The following TNK2 variants were observed in gnomAD, a reference collection of about 807,000 sequenced individuals.
TNK2 encodes tyrosine kinase non receptor 2.
A neutral mutation model predicts 101.8 loss-of-function variants in TNK2; 83 were observed. That is an observed-to-expected ratio of 0.82 (90% CI 0.68 to 0.98). The LOEUF (loss-of-function observed/expected upper bound fraction) is 0.98. Ranked by LOEUF, TNK2 falls within the 50% of genes least tolerant of loss-of-function variation. TNK2 has a pLI of 0.00. For synonymous variants in TNK2, 804 were observed against 633.0 expected, an observed-to-expected ratio of 1.27 and a Z score of -4.06; for missense variants, 1,665 against 1,483.2, an observed-to-expected ratio of 1.12 and a Z score of -2.01.
At position 195,899,851 on chromosome 3, in the gene TNK2, G is replaced by T. The variant is rs937004194; in HGVS notation, c.-19+8634C>A. On this transcript the variant is annotated intron_variant, in intron 1 of 15. Transcript: ENST00000672887. Reference sequence around the variant, plus strand: ...GTCTGCTGAGAAGGACTCAGTCTTTGTGAGGAACACTGGAGAACGGTGGCT... The same window carrying T: ...GTCTGCTGAGAAGGACTCAGTCTTTTTGAGGAACACTGGAGAACGGTGGCT... Among the ~76,000 whole-genome samples, 6 of 152,286 alleles carry T rather than the reference G, an allele frequency of 3.9e-5. No individual in the cohort carries two copies. In the South Asian group the frequency reaches 8.3e-4, roughly 21 times the overall value.
At chr3:195,901,958 G>A (rs1195653845) in intron 1 of TNK2, among the ~76,000 whole-genome samples, 3 of 152,182 alleles carry the variant, frequency 2.0e-5, no homozygotes, top group African/African-American at 7.2e-5. Flanking sequence ...TGGATTCTGT[G>A]AGGAAGTCTG....
chr3:195,869,591 G>A lies in TNK2; in HGVS notation c.1544-50C>T, dbSNP rs148366432. ...GGGGAGAGAGACGGAGCAGGACAGA[G>A]GACAAAGGAGGGAGACGGCCGGACG... On this transcript the variant is annotated intron_variant, in intron 11 of 15. Coordinates refer to ENST00000672887, the MANE Select transcript of TNK2 (RefSeq NM_001382273.1). The A allele has an allele frequency of 4.3e-3, 6,634 of 1,535,932 alleles. 21 individuals carry two copies. Among genetic ancestry groups the A allele is most frequent in the Middle Eastern group, 5.7e-3 (34 of 5,914 alleles).
Position 195,879,052 on chromosome 3 carries a change from AC to A in TNK2, c.1010del (p.Ser337IlefsTer73). The A allele has an allele frequency of 6.2e-7, 1 of 1,613,344 alleles. No homozygotes were observed. The highest frequency in any genetic ancestry group is 8.5e-7 in the Non-Finnish European group (1 of 1,179,972). ...GQEPWIGLNG[S>X]QILHKIDKEG... is the part of the protein sequence containing the mutation. ...GGGCCCGTCTCCCAGCCCTCACCTG[AC>A]TGCCGTTGAGGCCGATCCAGGGCTC... On this transcript the variant is annotated frameshift_variant, in exon 7 of 16. Coordinates refer to ENST00000672887, the MANE Select transcript of TNK2 (RefSeq NM_001382273.1). LOFTEE classifies it high-confidence loss of function.
Position 195,864,066 on chromosome 3 carries a change from G to T in TNK2, c.*115C>A. The T allele has an allele frequency of 6.9e-7, 1 of 1,439,396 alleles. No individual in the cohort carries two copies. Among genetic ancestry groups the T allele is most frequent in the Non-Finnish European group, 9.7e-7 (1 of 1,034,302 alleles). 89.2% of individuals were successfully genotyped at this position (1,439,396 alleles called of 1,614,324 possible). On this transcript the variant is annotated 3_prime_UTR_variant, in exon 16 of 16. Coordinates refer to ENST00000672887, the MANE Select transcript of TNK2 (RefSeq NM_001382273.1). Reference sequence around the variant, plus strand: ...AGCCTTGGCCTTGCTCCATCCCCGGGAGCAGCAGGAGCAGCGGGTCCTCCA... The same window carrying T: ...AGCCTTGGCCTTGCTCCATCCCCGGTAGCAGCAGGAGCAGCGGGTCCTCCA...
chr3:195,876,815 C>T (rs1324736900), intron 9 of TNK2: 3 of 359,490 alleles, frequency 8.3e-6, no homozygotes, highest in Non-Finnish European at 1.6e-5. Context: ...CCTCCCACTG[C>T]CCGCCTTGCC....
intron 2 of TNK2, among the ~76,000 whole-genome samples, chr3:195,887,515 C>T (rs761024207): frequency 7.9e-5 from 12 of 152,194 alleles, no homozygotes; most frequent in African/African-American, 2.4e-4. Context: ...TTAACTAAGT[C>T]AGTGTCTAAC....
intron 4 of TNK2, chr3:195,883,985 C>T (rs1427877347): frequency 6.6e-6 from 1 of 152,558 alleles, no homozygotes; most frequent in Non-Finnish European, 1.5e-5. Flanking sequence ...GAAGGACGCA[C>T]TGAGTGGACG....
intron 6 of TNK2, among the ~76,000 whole-genome samples, chr3:195,879,799 G>A (rs2149475348): frequency 6.6e-6 from 1 of 152,130 alleles, no homozygotes; most frequent in East Asian, 1.9e-4. Flanking sequence ...CAAAGGGGAT[G>A]GGGCCGGGAA....
chr3:195,892,091 GTTCT>G, intron 1 of TNK2: 1 of 812,086 alleles, frequency 1.2e-6, no homozygotes, highest in Non-Finnish European at 1.6e-6. Context: ...CCAGCCCAAG[GTTCT>G]TTGTGCAGCA....
At position 195,878,103 on chromosome 3, in the gene TNK2, G is replaced by T; in HGVS notation, c.1256+150C>A. On this transcript the variant is annotated intron_variant, in intron 9 of 15. Transcript: ENST00000672887. This position sits in a 1 kb window ranked among gnomAD's most constrained non-coding sequence, Gnocchi z 4.7. ...GCACTAGGAAGACGGAGGCAGGCCTGTCCTCCCCTCACACTGCAGGGTTCA... is the reference window on the plus strand; with the variant it reads ...GCACTAGGAAGACGGAGGCAGGCCTTTCCTCCCCTCACACTGCAGGGTTCA... 1 of 754,860 alleles carries T rather than the reference G, an allele frequency of 1.3e-6. No individual in the cohort carries two copies. Among genetic ancestry groups the T allele is most frequent in the Non-Finnish European group, 2.2e-6 (1 of 446,590 alleles). The allele number at this position is 754,860 out of a possible 1,614,324, so 46.8% of individuals were successfully genotyped here.
Position 195,868,534 on chromosome 3 carries a change from G to A in TNK2, c.1764C>T (p.Phe588=), listed in dbSNP as rs1056726. ...GGGCCGGGACCACGGGCTCCTCACCGAAGTCGATGAGCGTGACCTCAGCCC... is the reference window on the plus strand; with the variant it reads ...GGGCCGGGACCACGGGCTCCTCACCAAAGTCGATGAGCGTGACCTCAGCCC... ...GSGAEVTLID[F]GEEPVVPALR... Residue 588 remains phenylalanine (F), a synonymous_variant, in exon 13 of 16, where the codon TTC becomes TTT. Coordinates refer to ENST00000672887, the MANE Select transcript of TNK2 (RefSeq NM_001382273.1). 0.061 allele frequency: 95,320 copies of A among 1,564,262 alleles called. 3,206 individuals carry two copies. Among genetic ancestry groups the A allele is most frequent in the East Asian group, 0.11 (4,512 of 42,858 alleles).
Position 195,868,001 on chromosome 3 carries a change from C to T in TNK2, c.2297G>A (p.Arg766His), listed in dbSNP as rs200430444. Residue 766 changes from arginine (R) to histidine (H), a missense_variant, in exon 13 of 16, where the codon CGC (arginine) becomes CAC (histidine). By Grantham distance (29) the Arg-to-His change is conservative (BLOSUM62 0). Around this residue, in one of 3 missense-constraint regions of TNK2, gnomAD observed 1,136 missense variants for 894.9 expected, o/e 1.27. Coordinates refer to ENST00000672887, the MANE Select transcript of TNK2 (RefSeq NM_001382273.1). ...PRVPIPPRPTRPHVQLSPAPP... is the reference protein window; with the variant it reads ...PRVPIPPRPTHPHVQLSPAPP... ...GGCTGGAGACAGCTGGACGTGTGGGCGCGTGGGCCGAGGGGGGATGGGTAC... is the reference window on the plus strand; with the variant it reads ...GGCTGGAGACAGCTGGACGTGTGGGTGCGTGGGCCGAGGGGGGATGGGTAC... 2.1e-4 allele frequency: 331 copies of T among 1,566,174 alleles called. No homozygotes were observed. The highest frequency in any genetic ancestry group is 2.6e-4 in the Non-Finnish European group (307 of 1,164,626).
chr3:195,870,996 G>A (rs764661482), intron 10 of TNK2, among the ~76,000 whole-genome samples: 519 of 87,320 alleles, frequency 5.9e-3, no homozygotes, highest in Admixed American at 0.01. Flanking sequence ...GTGGGGGCCC[G>A]CTGTGTGGGT....
chr3:195,878,144 C>A lies in TNK2; in HGVS notation c.1256+109G>T, dbSNP rs1341590571. On this transcript the variant is annotated intron_variant, in intron 9 of 15. Transcript: ENST00000672887. The surrounding 1 kb of genome is among the most constrained non-coding windows in gnomAD (Gnocchi z 4.7). ...GCAGGGTTCAGGCCCAACCGCCAGC[C>A]TGTATGTGGCCAAGGGAATCTTGGA... 1 of 1,188,178 alleles carries A rather than the reference C, an allele frequency of 8.4e-7. No individual in the cohort carries two copies. Among genetic ancestry groups the A allele is most frequent in the African/African-American group, 1.5e-5 (1 of 66,768 alleles). 73.6% of individuals were successfully genotyped at this position (1,188,178 alleles called of 1,614,324 possible).
At chr3:195,875,970 T>G (rs1159439561) in intron 9 of TNK2, among the ~76,000 whole-genome samples, 1 of 152,066 alleles carries the variant, frequency 6.6e-6, no homozygotes, top group East Asian at 1.9e-4. Flanking sequence ...TGCCGGACAT[T>G]CTGTTCAAAA....
intron 9 of TNK2, among the ~76,000 whole-genome samples, chr3:195,873,147 G>A (rs942947646): frequency 6.6e-6 from 1 of 152,178 alleles, no homozygotes; most frequent in African/African-American, 2.4e-5. Context: ...CCTCAGGAGG[G>A]GCTCTACCTG....
intron 9 of TNK2, chr3:195,872,749 G>C: frequency 2.2e-6 from 1 of 454,240 alleles, no homozygotes; most frequent in Non-Finnish European, 3.9e-6. Flanking sequence ...TGCTGCAGCA[G>C]GCAACATGAC....
rs368321142 is a variant in TNK2, at chr3:195,878,379, G to A, written c.1162-32C>T. 7 of 1,613,952 alleles carry A rather than the reference G, an allele frequency of 4.3e-6. No individual in the cohort carries two copies. In the African/African-American group the frequency reaches 9.3e-5, roughly 22 times the overall value. On this transcript the variant is annotated intron_variant, in intron 8 of 15. Coordinates refer to ENST00000672887, the MANE Select transcript of TNK2 (RefSeq NM_001382273.1). The surrounding 1 kb of genome is among the most constrained non-coding windows in gnomAD (Gnocchi z 4.7). ...GAAGAGGAAGGTCGTGGCCAACTCTGGGACTGACGCCTGGGTAGCCCCTCA... is the reference window on the plus strand; with the variant it reads ...GAAGAGGAAGGTCGTGGCCAACTCTAGGACTGACGCCTGGGTAGCCCCTCA...
chr3:195,899,349 A>C (rs1451269938), intron 1 of TNK2, among the ~76,000 whole-genome samples: 2 of 151,396 alleles, frequency 1.3e-5, no homozygotes, highest in Non-Finnish European at 2.9e-5. Context: ...TTTTTTTGAG[A>C]TGGAGTCTTG....
Sources: gnomAD v4.1 joint callset for allele counts (sites outside exome capture counted in the v4.1 genomes callset) on GRCh38, gnomAD v4.1.1 for gene constraint, gnomAD v4.1.1 regional missense constraint, Gnocchi (gnomAD v3.1) non-coding constraint, MANE v1.5 for transcripts, NCBI Gene and HGNC (gene_info 2026-07-23, HGNC 2026-07-21) for gene names.